The following UBAP2 variants were observed in gnomAD, a reference collection of about 807,000 sequenced individuals.
UBAP2 encodes the protein ubiquitin associated protein 2.
A neutral mutation model predicts 139.6 loss-of-function variants in UBAP2; 75 were observed. That is an observed-to-expected ratio of 0.54 (90% CI 0.45 to 0.65). UBAP2 has a LOEUF of 0.65. UBAP2 is among the 30% of genes least tolerant of loss of function. The pLI, the probability that UBAP2 is intolerant of heterozygous loss-of-function variation, is 0.00. For missense variants in UBAP2, 1,368 were observed against 1,369.6 expected, an observed-to-expected ratio of 1.00 and a Z score of 0.02; for synonymous variants, 526 against 526.2, an observed-to-expected ratio of 1.00 and a Z score of 0.01.
intron 8 of UBAP2, among the ~76,000 whole-genome samples, chr9:33,969,100 C>G (rs1827695873): frequency 6.6e-6 from 1 of 152,060 alleles, no homozygotes; most frequent in South Asian, 2.1e-4. Flanking sequence ...GTTTTTTCCC[C>G]CCAGACAGAC....
chr9:34,042,251 G>A (rs1211005007), intron 1 of UBAP2, among the ~76,000 whole-genome samples: 2 of 151,012 alleles, frequency 1.3e-5, no homozygotes, highest in Non-Finnish European at 3.0e-5. Context: ...AGCTCAGGTG[G>A]GCGGATCATG....
chr9:33,965,875 C>T (rs1424978103), intron 8 of UBAP2, among the ~76,000 whole-genome samples: 3 of 151,600 alleles, frequency 2.0e-5, no homozygotes, highest in African/African-American at 7.3e-5. Context: ...AGTGAAGCCC[C>T]GTCTCTACTA....
intron 19 of UBAP2, among the ~76,000 whole-genome samples, chr9:33,929,773 A>AG (rs1180877394): frequency 6.6e-6 from 1 of 152,144 alleles, no homozygotes; most frequent in Non-Finnish European, 1.5e-5. Context: ...AGGCCGAGGC[A>AG]GGTGGATCAC....
intron 14 of UBAP2, 57 bp from the exon 15 acceptor site, chr9:33,943,646 G>T: frequency 6.4e-7 from 1 of 1,556,302 alleles, no homozygotes; most frequent in South Asian, 1.2e-5. Flanking sequence ...AGGTCACAAA[G>T]GCCTATAACA....
intron 7 of UBAP2, among the ~76,000 whole-genome samples, chr9:33,972,862 G>A (rs1828014762): frequency 6.6e-6 from 1 of 152,082 alleles, no homozygotes; most frequent in African/African-American, 2.4e-5. Flanking sequence ...ACAACTTCAG[G>A]CGAAGTGCTA....
At chr9:34,037,775 A>C (rs1296042686) in intron 1 of UBAP2, among the ~76,000 whole-genome samples, 1 of 152,130 alleles carries the variant, frequency 6.6e-6, no homozygotes, top group East Asian at 1.9e-4. Context: ...ATGTAAATAC[A>C]CAAACCCTGA....
At chr9:33,972,740 T>C (rs1828003375) in intron 7 of UBAP2, among the ~76,000 whole-genome samples, 1 of 152,224 alleles carries the variant, frequency 6.6e-6, no homozygotes, top group Non-Finnish European at 1.5e-5. Context: ...GAAAAAGGTA[T>C]CACTCATACA....
chr9:34,020,019 G>C (rs2131291479), intron 1 of UBAP2, among the ~76,000 whole-genome samples: 1 of 151,838 alleles, frequency 6.6e-6, no homozygotes, highest in Admixed American at 6.6e-5. Flanking sequence ...AATTAGCCAG[G>C]CATGGTGGCA....
chr9:34,025,200 G>A (rs1355717437), intron 1 of UBAP2, among the ~76,000 whole-genome samples: 1 of 152,140 alleles, frequency 6.6e-6, no homozygotes, highest in Non-Finnish European at 1.5e-5. Context: ...ATGGAGCTGT[G>A]TGTAGTAAAT....
chr9:34,028,989 A>C (rs970771716), intron 1 of UBAP2, among the ~76,000 whole-genome samples: 1 of 151,932 alleles, frequency 6.6e-6, no homozygotes, highest in African/African-American at 2.4e-5. Flanking sequence ...GGTGGCGCAC[A>C]CCTGGAATCC....
At position 33,945,014 on chromosome 9, in the gene UBAP2, C is replaced by A. The variant is rs569005544; in HGVS notation, c.1271-375G>T. Among the ~76,000 whole-genome samples, 7 of 152,134 alleles carry A rather than the reference C, an allele frequency of 4.6e-5. No homozygotes were observed. In the South Asian group the frequency reaches 1.5e-3, roughly 32 times the overall value. On this transcript the variant is annotated intron_variant, in intron 13 of 28. Coordinates refer to ENST00000379238, the MANE Select transcript of UBAP2 (RefSeq NM_001370062.2). ...GCACAGTCACTCATGCCTATAATGCCAGCACTTTGGGAGGCTGAGGTGGGA... is the reference window on the plus strand; with the variant it reads ...GCACAGTCACTCATGCCTATAATGCAAGCACTTTGGGAGGCTGAGGTGGGA...
intron 4 of UBAP2, chr9:33,994,754 TCAAA>T (rs756624361): frequency 2.0e-5 from 3 of 152,200 alleles, no homozygotes; most frequent in Non-Finnish European, 2.9e-5. Flanking sequence ...ACTGCTACAC[TCAAA>T]CAGTGAAATC....
rs940683996 is a variant in UBAP2, at chr9:34,033,485, G to C, written c.-42+15340C>G. On this transcript the variant is annotated intron_variant, in intron 1 of 28. Transcript: ENST00000379238. ...GGCTAGGAAGGGTAGTGGGGGACTT[G>C]GGGGAGGTAGGGATGGTTATTGAGT... Among the ~76,000 whole-genome samples, 5 of 152,226 alleles carry C rather than the reference G, an allele frequency of 3.3e-5. No homozygotes were observed. In the East Asian group the frequency reaches 9.6e-4, roughly 29 times the overall value.
At chr9:33,995,678 C>G (rs368406110) in intron 4 of UBAP2, 1 of 143,662 alleles carries the variant, frequency 7.0e-6, no homozygotes, top group Non-Finnish European at 1.5e-5. Context: ...TATATACACA[C>G]AGCAAAATTT....
chr9:33,944,522 G>A lies in UBAP2; in HGVS notation c.1388C>T (p.Ala463Val), dbSNP rs1800434332. The A allele has an allele frequency of 1.2e-6, 2 of 1,614,102 alleles. No homozygotes were observed. Among genetic ancestry groups the A allele is most frequent in the Non-Finnish European group, 1.7e-6 (2 of 1,180,032 alleles). The change falls in exon 14 of 29, where the codon GCA becomes GTA. Residue 463 changes from alanine to valine, a missense_variant. Physicochemically the swap from Ala to Val is moderately conservative, Grantham distance 64 (BLOSUM62 0). Coordinates refer to ENST00000379238, the MANE Select transcript of UBAP2 (RefSeq NM_001370062.2). ...PPGLESFPSQ[A>V]KLRESTPGDS... ...TCCAGGTGTTGATTCTCGAAGTTTT[G>A]CCTGGGAAGGAAAGGACTCCAAACC...
In UBAP2 at chr9:33,986,955, G is replaced by A. The variant is rs1213577805; in HGVS notation, c.443-118C>T. On this transcript the variant is annotated intron_variant, in intron 5 of 28. Transcript: ENST00000379238. ...ACAAACAGGCTACAATTTAAACAAC[G>A]GGTTCAAAAACAGGAAAAACAAAAA... 14 of 925,086 alleles carry A rather than the reference G, an allele frequency of 1.5e-5. No homozygotes were observed. The South Asian group carries it at 1.7e-4, about 11-fold the overall frequency. The allele number at this position is 925,086 out of a possible 1,614,324, so 57.3% of individuals were successfully genotyped here.
rs200594160 is a variant in UBAP2, at chr9:33,944,422, G to A, written c.1488C>T (p.His496=). ...GTTTGATGTGTTTGGGCTGTGGCTG[G>A]TGGACAGACACAGAGATATTTTCAA... The part of the protein sequence containing the change: ...TTIENISVSV[H]QPQPKHIKLA... The change falls in exon 14 of 29, where the codon CAC becomes CAT. Residue 496 remains histidine (H), a synonymous_variant. Transcript: ENST00000379238. 7.9e-5 allele frequency: 127 copies of A among 1,614,150 alleles called. No homozygotes were observed. The East Asian group carries it at 1.2e-3, about 15-fold the overall frequency.
intron 18 of UBAP2, among the ~76,000 whole-genome samples, chr9:33,933,191 G>C (rs1824151221): frequency 6.6e-6 from 1 of 152,154 alleles, no homozygotes; most frequent in South Asian, 2.1e-4. Context: ...GCCCAGAGAG[G>C]CTAGGCTCAG....
At chr9:34,004,818 T>C (rs1157918579) in intron 2 of UBAP2, among the ~76,000 whole-genome samples, 3 of 138,584 alleles carry the variant, frequency 2.2e-5, no homozygotes, top group Admixed American at 1.4e-4. Flanking sequence ...AAGTAAATTT[T>C]AAGGCTGGGC....
Sources: gnomAD v4.1 joint callset for allele counts (sites outside exome capture counted in the v4.1 genomes callset) on GRCh38, gnomAD v4.1.1 for gene constraint, MANE v1.5 for transcripts, NCBI Gene and HGNC (gene_info 2026-07-23, HGNC 2026-07-21) for gene names.